PHC1: variants seen among roughly 807,000 people sequenced by gnomAD.
PHC1 encodes polyhomeotic homolog 1.
PHC1 carries 12 observed loss-of-function variants against 104.3 expected under a neutral mutation model. The ratio of observed to expected loss-of-function variants is 0.12; its 90% confidence interval spans 0.07 to 0.19. The LOEUF (loss-of-function observed/expected upper bound fraction) is 0.19. PHC1 is among the 10% of genes least tolerant of loss of function. PHC1 has a pLI of 1.00. For missense variants in PHC1, 671 were observed against 1,200.0 expected (o/e 0.56, Z 6.51); for synonymous variants, 302 against 455.8 (o/e 0.66, Z 4.30).
At chr12:8,933,373 G>T in intron 8 of PHC1, 23 bp downstream of exon 8, 1 of 1,536,710 alleles carries the variant, frequency 6.5e-7, no homozygotes, top group African/African-American at 1.4e-5. Flanking sequence ...TGATGGTTTT[G>T]AGGGCACTAT....
intron 6 of PHC1, among the ~76,000 whole-genome samples, chr12:8,923,887 A>G (rs756268044): frequency 6.6e-6 from 1 of 152,178 alleles, no homozygotes; most frequent in South Asian, 2.1e-4. Flanking sequence ...ATAACAATAC[A>G]AGAACAAAAA....
In PHC1 at chr12:8,922,719, G is replaced by A; in HGVS notation, c.543G>A (p.Gly181=). The A allele has an allele frequency of 6.2e-7, 1 of 1,611,592 alleles. No individual in the cohort carries two copies. Among genetic ancestry groups the A allele is most frequent in the Non-Finnish European group, 8.5e-7 (1 of 1,179,020 alleles). The change falls in exon 6 of 15, where the codon GGG becomes GGA. Residue 181 remains glycine, a synonymous_variant. Coordinates refer to ENST00000544916, the MANE Select transcript of PHC1 (RefSeq NM_004426.3). ...LASQLILMPN[G]AVAAVQQEVP... is the part of the protein sequence containing the mutation. ...CCCAACTCATCCTGATGCCTAATGGGGCGGTGGCTGCAGTCCAGCAGGAGG... is the reference window on the plus strand; with the variant it reads ...CCCAACTCATCCTGATGCCTAATGGAGCGGTGGCTGCAGTCCAGCAGGAGG...
At chr12:8,920,893 C>G (rs1945342723) in intron 3 of PHC1, 92 bp from the exon 4 acceptor site, 17 of 820,474 alleles carry the variant, frequency 2.1e-5, no homozygotes, top group Middle Eastern at 2.3e-4. Context: ...TGTGAAATCT[C>G]TATGTTTTGT....
Position 8,920,966 on chromosome 12 carries a change from T to A in PHC1, c.226-19T>A. On this transcript the variant is annotated intron_variant, in intron 3 of 14. Coordinates refer to ENST00000544916, the MANE Select transcript of PHC1 (RefSeq NM_004426.3). Reference sequence around the variant, plus strand: ...CTTCACTGTCTTTGCTATTTCTTGTTTCCCTTCCCCTTTAATAGGCCACAA... The same window carrying A: ...CTTCACTGTCTTTGCTATTTCTTGTATCCCTTCCCCTTTAATAGGCCACAA... 6.3e-7 allele frequency: 1 copy of A among 1,583,912 alleles called. No homozygotes were observed. The highest frequency in any genetic ancestry group is 8.6e-7 in the Non-Finnish European group (1 of 1,160,372).
Position 8,922,583 on chromosome 12 carries a change from T to C in PHC1, c.457-50T>C, listed in dbSNP as rs750870891. On this transcript the variant is annotated intron_variant, in intron 5 of 14. Transcript: ENST00000544916. ...GTCCTTCCTTTCCATCTCTTCTGTC[T>C]CTTCTTTCCCTCTTGTCCTCTTTGC... 2.0e-6 allele frequency: 3 copies of C among 1,497,190 alleles called. No individual in the cohort carries two copies. In the South Asian group the frequency reaches 3.7e-5, roughly 18 times the overall value. The allele number at this position is 1,497,190 out of a possible 1,614,324, so 92.7% of individuals were successfully genotyped here.
chr12:8,917,867 A>G, intron 2 of PHC1, 76 bp downstream of exon 2: 1 of 757,548 alleles, frequency 1.3e-6, no homozygotes, highest in Non-Finnish European at 2.1e-6. Flanking sequence ...AAATAATTGT[A>G]CTCAGTTCTT....
At position 8,935,684 on chromosome 12, in the gene PHC1, A is replaced by G. The variant is rs188960784; in HGVS notation, c.2368+446A>G. On this transcript the variant is annotated intron_variant, in intron 11 of 14. Coordinates refer to ENST00000544916, the MANE Select transcript of PHC1 (RefSeq NM_004426.3). ...ACATATAGAAACCATATTATATATCAGAGTATGTAGAATCACGGAAAAGGA... is the reference window on the plus strand; with the variant it reads ...ACATATAGAAACCATATTATATATCGGAGTATGTAGAATCACGGAAAAGGA... 7.9e-5 allele frequency among the ~76,000 whole-genome samples: 12 copies of G among 152,320 alleles called. 2 individuals are homozygous for G. Among genetic ancestry groups the G allele is most frequent in the African/African-American group, 2.9e-4 (12 of 41,578 alleles).
chr12:8,921,170 G>A, intron 4 of PHC1, 105 bp downstream of exon 4: 2 of 785,666 alleles, frequency 2.5e-6, no homozygotes, highest in Non-Finnish European at 4.1e-6. Flanking sequence ...AGCCGTCAGT[G>A]GATAGTTACT....
intron 8 of PHC1, 41 bp downstream of exon 8, chr12:8,933,391 G>T: frequency 6.6e-7 from 1 of 1,504,620 alleles, no homozygotes; most frequent in South Asian, 1.3e-5. Context: ...TATTATGCAT[G>T]AGAGTGGACC....
Position 8,934,287 on chromosome 12 carries a change from A to G in PHC1, c.2062A>G (p.Asn688Asp). The G allele has an allele frequency of 6.2e-7, 1 of 1,613,806 alleles. No individual in the cohort carries two copies. The highest frequency in any genetic ancestry group is 8.5e-7 in the Non-Finnish European group (1 of 1,179,812). ...TCCAGAAAAAGCTGAATCAGTGGCT[A>G]ATGTGAATGCTAATACTCCAAGCAG... The part of the protein sequence containing the change: ...SLGEKAESVA[N>D]VNANTPSSEL... Residue 688 changes from asparagine (N) to aspartate (D), a missense_variant, in exon 10 of 15, where the codon AAT (asparagine) becomes GAT (aspartate). This residue lies in a region of PHC1 where 29 missense variants were observed against 78.0 expected (regional missense o/e 0.37). Coordinates refer to ENST00000544916, the MANE Select transcript of PHC1 (RefSeq NM_004426.3).
In PHC1 at chr12:8,920,920, T is replaced by G; in HGVS notation, c.226-65T>G. 3.7e-6 allele frequency: 4 copies of G among 1,072,606 alleles called. No individual in the cohort carries two copies. The South Asian group carries it at 5.6e-5, about 15-fold the overall frequency. The allele number at this position is 1,072,606 out of a possible 1,614,324, so 66.4% of individuals were successfully genotyped here. On this transcript the variant is annotated intron_variant, in intron 3 of 14. Transcript: ENST00000544916. ...ATGTTTTGTGCTTGTGATTTATTAC[T>G]AGAAGACTGAGAGCTTTTTCCTTCA...
rs1341747360 is a variant in PHC1 at position 8,935,256 on chromosome 12, G to C, written c.2368+18G>C. On this transcript the variant is annotated intron_variant, in intron 11 of 14. Coordinates refer to ENST00000544916, the MANE Select transcript of PHC1 (RefSeq NM_004426.3). ...ATCTGCTGGTGAGCATTTATTTAGA[G>C]ACTCATTTGGGGGAAGGAGACTCGT... 7.4e-7 allele frequency: 1 copy of C among 1,357,878 alleles called. No individual in the cohort carries two copies. Among genetic ancestry groups the C allele is most frequent in the Admixed American group, 1.9e-5 (1 of 52,136 alleles). The allele number at this position is 1,357,878 out of a possible 1,614,324, so 84.1% of individuals were successfully genotyped here.
At chr12:8,916,613 T>G (rs1945208989) in intron 1 of PHC1, among the ~76,000 whole-genome samples, 1 of 152,070 alleles carries the variant, frequency 6.6e-6, no homozygotes, top group Non-Finnish European at 1.5e-5. Flanking sequence ...TAGCAGTGTT[T>G]TCATATGTGT....
intron 7 of PHC1, 150 bp downstream of exon 7, chr12:8,931,077 CT>C (rs1365531635): frequency 2.5e-6 from 2 of 811,326 alleles, no homozygotes; most frequent in Non-Finnish European, 3.8e-6. Context: ...TAATATCAGC[CT>C]TGAACATATT....
intron 6 of PHC1, among the ~76,000 whole-genome samples, chr12:8,926,874 C>T (rs551835272): frequency 1.3e-5 from 2 of 152,116 alleles, no homozygotes; most frequent in African/African-American, 2.4e-5. Context: ...GAGATCGCGC[C>T]GTTGTACTCC....
At chr12:8,922,449 A>G (rs1305557301) in intron 5 of PHC1, among the ~76,000 whole-genome samples, 184 bp from the exon 6 acceptor site, 1 of 152,260 alleles carries the variant, frequency 6.6e-6, no homozygotes, top group African/African-American at 2.4e-5. Context: ...TATGCATTCT[A>G]GGTTTTCTTC....
At chr12:8,928,837 G>A (rs1386361506) in intron 6 of PHC1, among the ~76,000 whole-genome samples, 1 of 152,056 alleles carries the variant, frequency 6.6e-6, no homozygotes, top group African/African-American at 2.4e-5. Context: ...ACATTGTCAC[G>A]ATCCATTTGT....
chr12:8,914,464 G>GGT (rs1485651544), upstream of PHC1: 2 of 148,662 alleles, frequency 1.3e-5, no homozygotes, highest in Non-Finnish European at 3.0e-5. Flanking sequence ...CGGCGGGGGG[G>GGT]GGGTCCGGCT....
chr12:8,930,798 G>A lies in PHC1; in HGVS notation c.976G>A (p.Gly326Ser). The A allele has an allele frequency of 1.3e-6, 2 of 1,517,868 alleles. No homozygotes were observed. The highest frequency in any genetic ancestry group is 1.8e-6 in the Non-Finnish European group (2 of 1,110,254). 94.0% of individuals were successfully genotyped at this position (1,517,868 alleles called of 1,614,324 possible). A position where few individuals can be genotyped will look rare whatever the true frequency, so the allele number is the denominator to read the frequency against. The part of the protein sequence containing the change: ...PAAQTVTVSQ[G>S]SQTEAESAAA... ...AGCCCAAACAGTGACTGTGAGCCAG[G>A]GCAGCCAGACAGAGGCAGAAAGTGC... The change falls in exon 7 of 15, where the codon GGC (glycine) becomes AGC (serine). Residue 326 changes from glycine to serine, a missense_variant. By Grantham distance (56) the Gly-to-Ser change is moderately conservative. This residue lies in a region of PHC1 where 78 missense variants were observed against 140.8 expected (regional missense o/e 0.55). Transcript: ENST00000544916.
Sources: allele counts gnomAD v4.1 joint callset (sites outside exome capture counted in the v4.1 genomes callset), GRCh38; gene constraint gnomAD v4.1.1; regional missense constraint gnomAD v4.1.1; transcripts MANE v1.5; gene names NCBI Gene and HGNC (gene_info 2026-07-23, HGNC 2026-07-21).